Variants in JHY observed in about 807,000 individuals in gnomAD.
The protein encoded by JHY is junctional cadherin complex regulator.
A neutral mutation model predicts 78.0 loss-of-function variants in JHY; 69 were observed. The observed-to-expected ratio is 0.88, with a 90% CI of 0.73 to 1.08. The LOEUF (loss-of-function observed/expected upper bound fraction) is 1.08, where lower values mean the gene tolerates loss of function less well. Ranked by LOEUF, JHY falls within the 50% of genes least tolerant of loss-of-function variation. The pLI is 0.00. For synonymous variants in JHY, 368 were observed against 342.6 expected (o/e 1.07, Z -0.82); for missense variants, 944 against 927.8 (o/e 1.02, Z -0.23).
chr11:122,916,324 C>T (rs1221563414), intron 3 of JHY, among the ~76,000 whole-genome samples: 1 of 152,040 alleles, frequency 6.6e-6, no homozygotes, highest in Non-Finnish European at 1.5e-5. Flanking sequence ...TATATTAATA[C>T]AATTTTGTTT....
chr11:122,914,044 A>G (rs1863184418), intron 3 of JHY, among the ~76,000 whole-genome samples: 1 of 152,236 alleles, frequency 6.6e-6, no homozygotes, highest in East Asian at 1.9e-4. Context: ...ATTTTGGCAA[A>G]TCACAAACTC....
In JHY at chr11:122,934,901, C is replaced by T; in HGVS notation, c.1460C>T (p.Thr487Ile). The T allele has an allele frequency of 6.2e-7, 1 of 1,614,142 alleles. No homozygotes were observed. The highest frequency in any genetic ancestry group is 8.5e-7 in the Non-Finnish European group (1 of 1,180,024). Residue 487 changes from threonine (T) to isoleucine (I), a missense_variant, in exon 5 of 9, where the codon ACC becomes ATC. Transcript: ENST00000227349. ...AGATTTTCATATCAGCAGCTACACA[C>T]CCTTTCTGACATGGATTTGAACAAC... Reference protein sequence around the residue: ...EKRFSYQQLHTLSDMDLNNLN... With the variant: ...EKRFSYQQLHILSDMDLNNLN...
At chr11:122,950,715 T>A (rs993130305) in intron 6 of JHY, among the ~76,000 whole-genome samples, 1 of 152,246 alleles carries the variant, frequency 6.6e-6, no homozygotes, top group African/African-American at 2.4e-5. Flanking sequence ...TTAGTTTCCT[T>A]TTCCTTTCCC....
At position 122,922,282 on chromosome 11, in the gene JHY, T is replaced by C. The variant is rs149540919; in HGVS notation, c.865-2615T>C. Among the ~76,000 whole-genome samples the C allele has an allele frequency of 6.8e-3, 1,042 of 152,332 alleles. 14 individuals carry two copies. The highest frequency in any genetic ancestry group is 0.023 in the African/African-American group (947 of 41,578). On this transcript the variant is annotated intron_variant, in intron 3 of 8. Transcript: ENST00000227349. ...ACACCATCTATCTGCCCTATCTCTC[T>C]ATATATAAGTACAGTAATTGTGATA...
chr11:122,900,511 CTTTTTTTTTTTT>C (rs374998954), intron 2 of JHY, among the ~76,000 whole-genome samples: 7 of 65,100 alleles, frequency 1.1e-4, no homozygotes, highest in Middle Eastern at 0.017. Flanking sequence ...ATACTACCAG[CTTTTTTTTTTTT>C]TTTTTTTTTT....
At chr11:122,913,212 T>G (rs1485970891) in intron 3 of JHY, among the ~76,000 whole-genome samples, 5 of 152,092 alleles carry the variant, frequency 3.3e-5, no homozygotes, top group African/African-American at 1.2e-4. Context: ...AATCAAACAC[T>G]GTCCTAGGGA....
chr11:122,914,708 G>T (rs1863200533), intron 3 of JHY, among the ~76,000 whole-genome samples: 2 of 152,112 alleles, frequency 1.3e-5, no homozygotes, highest in East Asian at 1.9e-4. Flanking sequence ...CTCCCAAAGT[G>T]CTTGGATTAC....
At chr11:122,930,757 T>A (rs1406173257) in intron 4 of JHY, among the ~76,000 whole-genome samples, 6 of 152,216 alleles carry the variant, frequency 3.9e-5, no homozygotes, top group Non-Finnish European at 7.3e-5. Context: ...GAATGCAGTA[T>A]GTTTAAGGCT....
chr11:122,888,994 A>G (rs550037764), intron 2 of JHY, among the ~76,000 whole-genome samples: 2 of 152,170 alleles, frequency 1.3e-5, no homozygotes, highest in Non-Finnish European at 2.9e-5. Context: ...TTGGGTATGC[A>G]TGCAAGGCTT....
At position 122,963,012 on chromosome 11, in the gene JHY, T is replaced by A. The variant is rs1413845950; in HGVS notation, c.*3567T>A. Reference sequence around the variant, plus strand: ...GACCTGAATTTCCACCAAGTTCAATTTTTAGAAATATGCATTACTATGTAC... The same window carrying A: ...GACCTGAATTTCCACCAAGTTCAATATTTAGAAATATGCATTACTATGTAC... On this transcript the variant is annotated 3_prime_UTR_variant, in exon 9 of 9. Coordinates refer to ENST00000227349, the MANE Select transcript of JHY (RefSeq NM_024806.4). Among the ~76,000 whole-genome samples, 1 of 151,340 alleles carries A rather than the reference T, an allele frequency of 6.6e-6. No individual in the cohort carries two copies. The highest frequency in any genetic ancestry group is 1.9e-4 in the East Asian group (1 of 5,182).
At chr11:122,906,868 T>C (rs1388260915) in intron 3 of JHY, among the ~76,000 whole-genome samples, 2 of 152,222 alleles carry the variant, frequency 1.3e-5, no homozygotes, top group African/African-American at 4.8e-5. Flanking sequence ...CATTGACTTT[T>C]CCCACCACTT....
At chr11:122,929,232 TG>T (rs1863584521) in intron 4 of JHY, among the ~76,000 whole-genome samples, 2 of 134,848 alleles carry the variant, frequency 1.5e-5, no homozygotes, top group Admixed American at 7.1e-5. Flanking sequence ...TGGCCAAGGT[TG>T]TTTTTTGTTT....
chr11:122,942,400 C>G (rs1222807254), intron 5 of JHY, among the ~76,000 whole-genome samples: 1 of 151,986 alleles, frequency 6.6e-6, no homozygotes, highest in African/African-American at 2.4e-5. Context: ...CTTGAATTTA[C>G]TTCAGTGTTT....
rs146551758 is a variant in JHY at position 122,939,275 on chromosome 11, C to T, written c.1634+4200C>T. Among the ~76,000 whole-genome samples, 325 of 152,256 alleles carry T rather than the reference C, an allele frequency of 2.1e-3. 1 individual carries two copies. Among genetic ancestry groups the T allele is most frequent in the African/African-American group, 7.2e-3 (299 of 41,554 alleles). ...TGCTGGGATTACAGGCGTGAGCCAC[C>T]GCACCCAACCCTGACTGCTTCTTAA... On this transcript the variant is annotated intron_variant, in intron 5 of 8. Transcript: ENST00000227349.
In JHY at chr11:122,934,971, C is replaced by G. The variant is rs1196178170; in HGVS notation, c.1530C>G (p.Gly510=). ...GACACGTGCTCCTGAGCCAGAAAGG[C>G]TCTCAGTTTGTTTATCACATAAATA... is the stretch of plus-strand genomic sequence containing the variant. ...SKRHVLLSQK[G]SQFVYHINTH... The change falls in exon 5 of 9, where the codon GGC becomes GGG. Residue 510 remains glycine, a synonymous_variant. Coordinates refer to ENST00000227349, the MANE Select transcript of JHY (RefSeq NM_024806.4). 1 of 1,613,896 alleles carries G rather than the reference C, an allele frequency of 6.2e-7. No homozygotes were observed. The highest frequency in any genetic ancestry group is 2.2e-5 in the East Asian group (1 of 44,896).
intron 3 of JHY, among the ~76,000 whole-genome samples, chr11:122,918,809 C>T (rs1278795751): frequency 1.3e-5 from 2 of 151,206 alleles, no homozygotes; most frequent in Non-Finnish European, 2.9e-5. Flanking sequence ...TGAGTAGTAC[C>T]CGTAGAGCTA....
At chr11:122,948,963 A>G (rs934997272) in intron 6 of JHY, among the ~76,000 whole-genome samples, 1 of 152,064 alleles carries the variant, frequency 6.6e-6, no homozygotes, top group African/African-American at 2.4e-5. Context: ...AGGTGCCTGT[A>G]ATCCCAGCTA....
At chr11:122,921,569 T>C (rs1047968429) in intron 3 of JHY, among the ~76,000 whole-genome samples, 15 of 152,238 alleles carry the variant, frequency 9.9e-5, no homozygotes, top group Admixed American at 1.3e-4. Flanking sequence ...ATGTTTCTGT[T>C]GAACATCATG....
intron 3 of JHY, among the ~76,000 whole-genome samples, chr11:122,924,273 T>C (rs79836828): frequency 0.042 from 6,398 of 152,232 alleles, 322 homozygotes; most frequent in African/African-American, 0.11. Flanking sequence ...TTCTAATAAG[T>C]GAGTTAGCAA....
Sources: gnomAD v4.1 joint callset for allele counts (sites outside exome capture counted in the v4.1 genomes callset) on GRCh38, gnomAD v4.1.1 for gene constraint, MANE v1.5 for transcripts, NCBI Gene and HGNC (gene_info 2026-07-23, HGNC 2026-07-21) for gene names.